TMEM68: variants seen among roughly 807,000 people sequenced by gnomAD.
TMEM68 encodes the protein transmembrane protein 68, also known as DGAT1/2-independent enzyme synthesizing storage lipids.
TMEM68 carries 25 observed loss-of-function variants against 36.9 expected under a neutral mutation model. The observed-to-expected ratio is 0.68, with a 90% CI of 0.49 to 0.95. The LOEUF (loss-of-function observed/expected upper bound fraction) is 0.95. TMEM68 is among the 40% of genes least tolerant of loss of function. TMEM68 has a pLI of 0.00. For missense variants in TMEM68, 333 were observed against 392.0 expected, an observed-to-expected ratio of 0.85 and a Z score of 1.27; for synonymous variants, 131 against 124.4, an observed-to-expected ratio of 1.05 and a Z score of -0.35.
At chr8:55,750,933 T>C in intron 5 of TMEM68, 31 bp downstream of exon 5, 2 of 1,582,934 alleles carry the variant, frequency 1.3e-6, no homozygotes, top group Non-Finnish European at 8.5e-7. Context: ...TGACTAAGCT[T>C]TACTTCAATA....
At chr8:55,752,804 G>T (rs564767331) in intron 4 of TMEM68, among the ~76,000 whole-genome samples, 1 of 149,606 alleles carries the variant, frequency 6.7e-6, no homozygotes, top group Non-Finnish European at 1.5e-5. Context: ...AGCTCACTAC[G>T]GCCTTGCTCT....
intron 1 of TMEM68, among the ~76,000 whole-genome samples, chr8:55,764,586 T>G (rs745674822): frequency 2.6e-5 from 4 of 152,246 alleles, no homozygotes; most frequent in Non-Finnish European, 5.9e-5. Flanking sequence ...ATTATCTTGC[T>G]AACTGGCTTA....
intron 5 of TMEM68, among the ~76,000 whole-genome samples, chr8:55,749,994 A>C (rs1172414663): frequency 6.6e-6 from 1 of 152,180 alleles, no homozygotes; most frequent in Non-Finnish European, 1.5e-5. Flanking sequence ...ATGTAAACTT[A>C]AGGATGAGGA....
At chr8:55,754,426 G>GAGCA (rs1810508211) in intron 4 of TMEM68, among the ~76,000 whole-genome samples, 1 of 135,530 alleles carries the variant, frequency 7.4e-6, no homozygotes, top group African/African-American at 2.8e-5. Context: ...CCAGGTGACA[G>GAGCA]AGCAAGACTC....
intron 1 of TMEM68, among the ~76,000 whole-genome samples, chr8:55,765,725 T>C (rs1479500766): frequency 5.3e-5 from 8 of 152,324 alleles, no homozygotes; most frequent in Admixed American, 4.6e-4. Flanking sequence ...TTAACTTTCA[T>C]GAGGTGGGCT....
intron 6 of TMEM68, 104 bp downstream of exon 6, chr8:55,744,957 C>T (rs1055996301): frequency 3.1e-6 from 2 of 645,158 alleles, no homozygotes; most frequent in East Asian, 6.4e-5. Context: ...ATAGTATATC[C>T]ATTTTCTAAA....
rs1563444720 is a variant in TMEM68 at position 55,773,335 on chromosome 8, G to C, written c.-181C>G. ...AGGGGGCGGACAGATTTGCACGGCG[G>C]ATTCCTCCGAAGCAACCCGTGTGAA... On this transcript the variant is annotated 5_prime_UTR_variant, in exon 1 of 8. The change creates a new upstream start codon in the 5' untranslated region. Transcript: ENST00000434581. The C allele has an allele frequency of 6.4e-6, 2 of 314,518 alleles. No homozygotes were observed. The highest frequency in any genetic ancestry group is 1.2e-4 in the South Asian group (2 of 16,362). 19.5% of individuals were successfully genotyped at this position (314,518 alleles called of 1,614,324 possible).
chr8:55,747,917 C>T (rs1357350837), intron 5 of TMEM68: 1 of 152,126 alleles, frequency 6.6e-6, no homozygotes, highest in African/African-American at 2.4e-5. Flanking sequence ...TATCTACTGA[C>T]TGGCATGATC....
chr8:55,767,060 T>C (rs902929690), intron 1 of TMEM68, among the ~76,000 whole-genome samples: 8 of 135,806 alleles, frequency 5.9e-5, no homozygotes, highest in African/African-American at 2.3e-4. Context: ...AAAATAAAAA[T>C]AGCATCTACC....
rs370508732 is a variant in TMEM68 at position 55,743,541 on chromosome 8, G to C, written c.828C>G (p.Thr276=). The part of the protein sequence containing the change: ...MYGGFPVKLR[T]YLGDPIPYDP... ...CATACGGAATGGGGTCGCCTAAATA[G>C]GTCCGTAACTTCACTGGAAAACCTC... Residue 276 remains threonine, a synonymous_variant, in exon 7 of 8, where the codon ACC becomes ACG. Coordinates refer to ENST00000434581, the MANE Select transcript of TMEM68 (RefSeq NM_001286657.2). The C allele has an allele frequency of 9.9e-5, 152 of 1,535,876 alleles. 2 individuals are homozygous for C. In the East Asian group the frequency reaches 3.3e-3, roughly 33 times the overall value.
At chr8:55,759,407 C>A (rs912639602) in intron 3 of TMEM68, among the ~76,000 whole-genome samples, 1 of 151,726 alleles carries the variant, frequency 6.6e-6, no homozygotes, top group Non-Finnish European at 1.5e-5. Context: ...CCCATCTCTA[C>A]TAAAAATACA....
Position 55,766,597 on chromosome 8 carries a change from C to T in TMEM68, c.-114-2617G>A, listed in dbSNP as rs369333803. ...TTCACCATGTTAGCCAGGATGGTCT[C>T]GATCTCCTGAACTTGTGATCCGCCC... On this transcript the variant is annotated intron_variant, in intron 1 of 7. Coordinates refer to ENST00000434581, the MANE Select transcript of TMEM68 (RefSeq NM_001286657.2). Among the ~76,000 whole-genome samples the T allele has an allele frequency of 1.1e-3, 169 of 152,056 alleles. 1 individual carries two copies. The highest frequency in any genetic ancestry group is 2.7e-3 in the South Asian group (13 of 4,816).
At position 55,740,154 on chromosome 8, in the gene TMEM68, G is replaced by A. The variant is rs904574562; in HGVS notation, c.953C>T (p.Ala318Val). Residue 318 changes from alanine to valine, a missense_variant, in exon 8 of 8, where the codon GCT becomes GTT. Transcript: ENST00000434581. ...TTATCAATGAAAACGTTCTAACAAA[G>A]CACTCATAATGTTTCCTGGTATTCT... ...HQRIPGNIMS[A>V]LLERFH is the part of the protein sequence containing the mutation. 1 of 1,613,092 alleles carries A rather than the reference G, an allele frequency of 6.2e-7. No homozygotes were observed. Among genetic ancestry groups the A allele is most frequent in the Non-Finnish European group, 8.5e-7 (1 of 1,179,722 alleles).
At chr8:55,748,676 G>A (rs142668631) in intron 5 of TMEM68, among the ~76,000 whole-genome samples, 3 of 149,740 alleles carry the variant, frequency 2.0e-5, no homozygotes, top group Non-Finnish European at 4.5e-5. Flanking sequence ...GTGCGATCTC[G>A]GCTCACTGCA....
At chr8:55,754,578 T>C (rs7010356) in intron 4 of TMEM68, among the ~76,000 whole-genome samples, 113,887 of 132,688 alleles carry the variant, frequency 0.86, 49,062 homozygotes, top group East Asian at 0.99. Context: ...ATTTATATTA[T>C]ATAAAATACA....
At chr8:55,758,766 A>G (rs1265468461) in intron 3 of TMEM68, among the ~76,000 whole-genome samples, 2 of 152,210 alleles carry the variant, frequency 1.3e-5, no homozygotes, top group African/African-American at 2.4e-5. Flanking sequence ...TGATCGTGCC[A>G]CTGCACTCCA....
chr8:55,759,945 T>C (rs979685786), intron 3 of TMEM68, among the ~76,000 whole-genome samples: 2 of 152,244 alleles, frequency 1.3e-5, no homozygotes, highest in African/African-American at 2.4e-5. Flanking sequence ...CCCTATTTTA[T>C]GTCTCTGTAA....
intron 3 of TMEM68, among the ~76,000 whole-genome samples, chr8:55,759,190 C>T (rs1810695897): frequency 7.1e-6 from 1 of 140,792 alleles, no homozygotes; most frequent in Non-Finnish European, 1.5e-5. Flanking sequence ...GAGGCCAAGG[C>T]AGGAGGATTG....
At chr8:55,745,691 A>C (rs1243024479) in intron 5 of TMEM68, 1 of 152,226 alleles carries the variant, frequency 6.6e-6, no homozygotes, top group Non-Finnish European at 1.5e-5. Context: ...AGGGATTCTA[A>C]GGGTAATTTT....
Sources: gnomAD v4.1 joint callset for allele counts (sites outside exome capture counted in the v4.1 genomes callset) on GRCh38, gnomAD v4.1.1 for gene constraint, MANE v1.5 for transcripts, NCBI Gene and HGNC (gene_info 2026-07-23, HGNC 2026-07-21) for gene names.